Variants in RPS3 observed in about 807,000 individuals in gnomAD.
RPS3 encodes the protein ribosomal protein S3, also known as small ribosomal subunit protein uS3.
A neutral mutation model predicts 25.8 loss-of-function variants in RPS3; 2 were observed. That is an observed-to-expected ratio of 0.08 (90% CI 0.03 to 0.24). The LOEUF is 0.24. Ranked by LOEUF, RPS3 falls within the 10% of genes least tolerant of loss-of-function variation. RPS3 has a pLI of 1.00. For missense variants in RPS3, 107 were observed against 307.1 expected (o/e 0.35, Z 4.87); for synonymous variants, 114 against 114.2 (o/e 1.00, Z 0.01).
chr11:75,421,429 T>C (rs962688647), intron 6 of RPS3, among the ~76,000 whole-genome samples: 2 of 152,140 alleles, frequency 1.3e-5, no homozygotes, highest in Non-Finnish European at 2.9e-5. Flanking sequence ...CACAGCGATA[T>C]GCACAGAGCC....
At position 75,406,596 on chromosome 11, in the gene RPS3, G is replaced by A. The variant is rs1391998987; in HGVS notation, c.*986G>A. 1 of 152,076 alleles carries A rather than the reference G, an allele frequency of 6.6e-6. No homozygotes were observed. The highest frequency in any genetic ancestry group is 1.9e-4 in the East Asian group (1 of 5,192). 9.4% of individuals were successfully genotyped at this position (152,076 alleles called of 1,614,324 possible). On this transcript the variant is annotated 3_prime_UTR_variant, in exon 7 of 7. Transcript: ENST00000531188. The stretch of plus-strand genomic sequence containing the variant: ...CTTAATATTTGAGGTAATTATGTAG[G>A]GCGTACACTGACAAGTATCTGACCC...
chr11:75,412,626 G>A (rs1948367389), intron 6 of RPS3, among the ~76,000 whole-genome samples: 1 of 152,204 alleles, frequency 6.6e-6, no homozygotes, highest in African/African-American at 2.4e-5. Context: ...TTCTCTGCAG[G>A]AGAGTAGGAG....
intron 6 of RPS3, among the ~76,000 whole-genome samples, chr11:75,417,446 A>G (rs1380541988): frequency 6.6e-6 from 1 of 152,138 alleles, no homozygotes; most frequent in African/African-American, 2.4e-5. Flanking sequence ...ATACAAAAAA[A>G]ATTAGCCAGG....
At chr11:75,415,635 A>G (rs897706107) in intron 6 of RPS3, among the ~76,000 whole-genome samples, 2 of 152,106 alleles carry the variant, frequency 1.3e-5, no homozygotes, top group Non-Finnish European at 2.9e-5. Flanking sequence ...GTGAAACCCC[A>G]TCTCTACTAA....
intron 6 of RPS3, among the ~76,000 whole-genome samples, chr11:75,418,504 T>G (rs1451394422): frequency 1.3e-5 from 2 of 152,142 alleles, no homozygotes; most frequent in African/African-American, 4.8e-5. Flanking sequence ...GTAAAAAAAT[T>G]TTTTAAAAAA....
intron 2 of RPS3, among the ~76,000 whole-genome samples, chr11:75,401,145 G>C (rs547968479): frequency 1.6e-3 from 237 of 152,296 alleles, no homozygotes; most frequent in Non-Finnish European, 2.7e-3. Flanking sequence ...GCCTCCCAAA[G>C]TGCTGGGATT....
At chr11:75,405,419 G>A (rs1327364348) in intron 6 of RPS3, 195 bp from the exon 7 acceptor site, 4 of 325,492 alleles carry the variant, frequency 1.2e-5, no homozygotes, top group African/African-American at 8.8e-5. Flanking sequence ...CAACACTTGG[G>A]GTTTTTTTGT....
chr11:75,417,973 A>G (rs11236423), intron 6 of RPS3, among the ~76,000 whole-genome samples: 6,395 of 152,304 alleles, frequency 0.042, 435 homozygotes, highest in African/African-American at 0.15. Context: ...GGCCCGGATC[A>G]AGATCTAGAG....
At chr11:75,410,254 G>A (rs1298532780), downstream of RPS3, among the ~76,000 whole-genome samples, 2 of 148,404 alleles carry the variant, frequency 1.3e-5, no homozygotes, top group African/African-American at 5.0e-5. Context: ...TGGACGGAGG[G>A]GCTCCTCACT....
chr11:75,411,931 TTA>T (rs998577361), intron 6 of RPS3, among the ~76,000 whole-genome samples: 10 of 152,210 alleles, frequency 6.6e-5, no homozygotes, highest in Non-Finnish European at 1.5e-4. Context: ...CCATTCAGCC[TTA>T]TGTGTGGTGC....
intron 1 of RPS3, 24 bp downstream of exon 1, chr11:75,399,601 G>A (rs746159771): frequency 6.2e-7 from 1 of 1,609,154 alleles, no homozygotes; most frequent in East Asian, 2.2e-5. Flanking sequence ...GACTGGGTTC[G>A]GAGAACGACG....
intron 6 of RPS3, among the ~76,000 whole-genome samples, chr11:75,416,534 C>T (rs1948401321): frequency 6.7e-6 from 1 of 148,778 alleles, no homozygotes; most frequent in Non-Finnish European, 1.5e-5. Context: ...TCTCAGCTCA[C>T]TGCAACCTCC....
rs1948263812 is a variant in RPS3, at chr11:75,404,929, T to G, written c.*3+61T>G. 2.7e-6 allele frequency: 3 copies of G among 1,107,886 alleles called. No homozygotes were observed. The South Asian group carries it at 5.1e-5, about 19-fold the overall frequency. The allele number at this position is 1,107,886 out of a possible 1,614,324, so 68.6% of individuals were successfully genotyped here. On this transcript the variant is annotated intron_variant, in intron 6 of 6. Coordinates refer to ENST00000531188, the MANE Select transcript of RPS3 (RefSeq NM_001005.5). The surrounding 1 kb of genome is among the most constrained non-coding windows in gnomAD (Gnocchi z 4.6). ...ATAGGGTCCTTCCGAGTCTTTCTGT[T>G]AATACTTGTATCCCACATTCTGGTA...
At chr11:75,403,065 T>G (rs960963117) in intron 4 of RPS3, 5 of 152,226 alleles carry the variant, frequency 3.3e-5, no homozygotes, top group Non-Finnish European at 5.9e-5. Context: ...TGACTGTATG[T>G]AAAGGCACTG....
Position 75,405,006 on chromosome 11 carries a change from A to C in RPS3, c.*3+138A>C, listed in dbSNP as rs1592025021. The C allele has an allele frequency of 4.8e-5, 28 of 584,810 alleles. No individual in the cohort carries two copies. In the East Asian group the frequency reaches 8.3e-4, roughly 17 times the overall value. 36.2% of individuals were successfully genotyped at this position (584,810 alleles called of 1,614,324 possible). ...TATTTGCTTTATGTGGGAGAATACA[A>C]GTTGAAACCTGGGGTCTATTTAACC... On this transcript the variant is annotated intron_variant, in intron 6 of 6. Coordinates refer to ENST00000531188, the MANE Select transcript of RPS3 (RefSeq NM_001005.5).
Position 75,400,295 on chromosome 11 carries a change from T to C in RPS3, c.31-399T>C, listed in dbSNP as rs1948188102. On this transcript the variant is annotated intron_variant, in intron 1 of 6. Coordinates refer to ENST00000531188, the MANE Select transcript of RPS3 (RefSeq NM_001005.5). ...TATGTTAAGTCTACTATCTATTCCTTAACAGTGACAAGTACAGTGTCTTTG... is the reference window on the plus strand; with the variant it reads ...TATGTTAAGTCTACTATCTATTCCTCAACAGTGACAAGTACAGTGTCTTTG... 6.2e-6 allele frequency: 3 copies of C among 483,746 alleles called. No homozygotes were observed. The Admixed American group carries it at 6.3e-5, about 10-fold the overall frequency. 30.0% of individuals were successfully genotyped at this position (483,746 alleles called of 1,614,324 possible). A position where few individuals can be genotyped will look rare whatever the true frequency, so the allele number is the denominator to read the frequency against.
rs1311438505 is a variant in RPS3, at chr11:75,404,332, C to T, written c.538+125C>T. 7 of 900,622 alleles carry T rather than the reference C, an allele frequency of 7.8e-6. No homozygotes were observed. Among genetic ancestry groups the T allele is most frequent in the Middle Eastern group, 2.3e-4 (1 of 4,330 alleles). The allele number at this position is 900,622 out of a possible 1,614,324, so 55.8% of individuals were successfully genotyped here. On this transcript the variant is annotated intron_variant, in intron 5 of 6. Transcript: ENST00000531188. The surrounding 1 kb of genome is among the most constrained non-coding windows in gnomAD (Gnocchi z 4.6). Reference sequence around the variant, plus strand: ...GGCATGTTCATATTCCTTGGTGTATCGATTGCCACGTTGATCTGTAAGAAT... The same window carrying T: ...GGCATGTTCATATTCCTTGGTGTATTGATTGCCACGTTGATCTGTAAGAAT...
chr11:75,404,006 C>A lies in RPS3; in HGVS notation c.351-14C>A. The A allele has an allele frequency of 6.2e-7, 1 of 1,610,082 alleles. No homozygotes were observed. The highest frequency in any genetic ancestry group is 8.5e-7 in the Non-Finnish European group (1 of 1,178,788). On this transcript the variant is annotated splice_polypyrimidine_tract_variant and intron_variant, in intron 4 of 6. Transcript: ENST00000531188. This position sits in a 1 kb window ranked among gnomAD's most constrained non-coding sequence, Gnocchi z 4.6. ...TTGGCAATAACACAGTGGCTCTCTT[C>A]TGTTCTTTTAAAGGGCCTGCTATGG...
At chr11:75,403,208 C>T (rs1325232680) in intron 4 of RPS3, 1 of 152,230 alleles carries the variant, frequency 6.6e-6, no homozygotes, top group Non-Finnish European at 1.5e-5. Context: ...GCCAGCTAGG[C>T]TGCTTAGAAC....
Sources: allele counts gnomAD v4.1 joint callset (sites outside exome capture counted in the v4.1 genomes callset), GRCh38; gene constraint gnomAD v4.1.1; non-coding constraint Gnocchi (gnomAD v3.1); transcripts MANE v1.5; gene names NCBI Gene and HGNC (gene_info 2026-07-23, HGNC 2026-07-21).